The following CEP350 variants were observed in gnomAD, a reference collection of about 807,000 sequenced individuals.
CEP350 encodes the protein centrosome-associated protein 350.
CEP350 carries 126 observed loss-of-function variants against 331.8 expected under a neutral mutation model. That is an observed-to-expected ratio of 0.38 (90% CI 0.33 to 0.44). The LOEUF (loss-of-function observed/expected upper bound fraction) is 0.44, where lower values mean the gene tolerates loss of function less well. CEP350 is among the 20% of genes least tolerant of loss of function. The pLI, the probability that CEP350 is intolerant of heterozygous loss-of-function variation, is 1.00. For missense variants in CEP350, 3,406 were observed against 3,634.6 expected (o/e 0.94, Z 1.62); for synonymous variants, 1,200 against 1,259.5 (o/e 0.95, Z 1.00).
intron 11 of CEP350, among the ~76,000 whole-genome samples, chr1:180,018,463 C>G (rs1448407732): frequency 6.6e-6 from 1 of 152,148 alleles, no homozygotes; most frequent in African/African-American, 2.4e-5. Flanking sequence ...ATTATAACTT[C>G]CCTTGTATTC....
chr1:180,017,340 G>A (rs1655039602), intron 11 of CEP350, among the ~76,000 whole-genome samples: 1 of 152,046 alleles, frequency 6.6e-6, no homozygotes, highest in African/African-American at 2.4e-5. Flanking sequence ...TAACATTTTT[G>A]TTTTGAATTT....
intron 8 of CEP350, among the ~76,000 whole-genome samples, chr1:180,008,180 GT>G (rs1349844692): frequency 6.6e-6 from 1 of 152,114 alleles, no homozygotes; most frequent in Non-Finnish European, 1.5e-5. Flanking sequence ...GTTCCAACCA[GT>G]ATTAGTCAGG....
At chr1:179,968,358 A>G (rs182124417) in intron 1 of CEP350, among the ~76,000 whole-genome samples, 91 of 152,184 alleles carry the variant, frequency 6.0e-4, no homozygotes, top group Admixed American at 9.2e-4. Context: ...AAGAGGAATA[A>G]AATATCTCTG....
chr1:180,006,353 AC>A, intron 7 of CEP350, 100 bp from the exon 8 acceptor site: 1 of 662,344 alleles, frequency 1.5e-6, no homozygotes, highest in East Asian at 2.8e-5. Flanking sequence ...CTTTCTCCCT[AC>A]CTGCAGCATA....
intron 1 of CEP350, among the ~76,000 whole-genome samples, chr1:179,975,779 C>T (rs1651817944): frequency 6.6e-6 from 1 of 152,030 alleles, no homozygotes; most frequent in Non-Finnish European, 1.5e-5. Flanking sequence ...TGGTGATAGA[C>T]ATCTAATAGA....
At chr1:180,046,366 A>T (rs1657120330) in intron 21 of CEP350, among the ~76,000 whole-genome samples, 1 of 152,122 alleles carries the variant, frequency 6.6e-6, no homozygotes, top group African/African-American at 2.4e-5. Flanking sequence ...GACTTCTTTC[A>T]CTTAGCATGA....
At chr1:179,986,556 G>C (rs1198428988) in intron 2 of CEP350, among the ~76,000 whole-genome samples, 1 of 152,072 alleles carries the variant, frequency 6.6e-6, no homozygotes, top group African/African-American at 2.4e-5. Context: ...ACTTATAGGG[G>C]TACAGATAAT....
chr1:180,065,258 C>A lies in CEP350; in HGVS notation c.5553C>A (p.Ser1851Arg), dbSNP rs760564007. The part of the protein sequence containing the change: ...SIMQKLKKMR[S>R]RMDEKFLTKR... ...TGCAGAAACTGAAGAAAATGAGAAG[C>A]CGCATGGATGAAAAGTATTTGTTTT... is the stretch of plus-strand genomic sequence containing the variant. Residue 1851 changes from serine (S) to arginine (R), a missense_variant, in exon 27 of 38, where the codon AGC becomes AGA. This residue lies in a region of CEP350 where 1,415 missense variants were observed against 1,512.3 expected (regional missense o/e 0.94). Coordinates refer to ENST00000367607, the MANE Select transcript of CEP350 (RefSeq NM_014810.5). 1.2e-6 allele frequency: 2 copies of A among 1,608,032 alleles called. No individual in the cohort carries two copies. Among genetic ancestry groups the A allele is most frequent in the East Asian group, 4.5e-5 (2 of 44,770 alleles).
At chr1:180,068,884 A>G (rs1175546933) in intron 27 of CEP350, among the ~76,000 whole-genome samples, 1 of 152,212 alleles carries the variant, frequency 6.6e-6, no homozygotes, top group Non-Finnish European at 1.5e-5. Flanking sequence ...ATCTAGATCA[A>G]TTGTTAAGGA....
At chr1:179,957,636 C>G (rs1325875893) in intron 1 of CEP350, among the ~76,000 whole-genome samples, 1 of 152,020 alleles carries the variant, frequency 6.6e-6, no homozygotes, top group African/African-American at 2.4e-5. Flanking sequence ...CAAAACAAAA[C>G]AAAAGACTAG....
Position 180,022,648 on chromosome 1 carries a change from A to G in CEP350, c.3236-50A>G, listed in dbSNP as rs201799769. 1.2e-5 allele frequency: 18 copies of G among 1,542,160 alleles called. No homozygotes were observed. In the African/African-American group the frequency reaches 2.3e-4, roughly 20 times the overall value. ...TCCATGTATGGGATGCTTTTCTTAC[A>G]GTTTCTTGATTTTCGTTTTTAACCA... is the stretch of plus-strand genomic sequence containing the variant. On this transcript the variant is annotated intron_variant, in intron 12 of 37. Coordinates refer to ENST00000367607, the MANE Select transcript of CEP350 (RefSeq NM_014810.5).
chr1:180,048,813 A>C, intron 22 of CEP350, 108 bp downstream of exon 22: 1 of 845,438 alleles, frequency 1.2e-6, no homozygotes, highest in Non-Finnish European at 1.8e-6. Flanking sequence ...TCATGCCAGT[A>C]ATTCCAGCAC....
chr1:180,074,788 T>C (rs112912629), intron 27 of CEP350, among the ~76,000 whole-genome samples: 320 of 152,358 alleles, frequency 2.1e-3, no homozygotes, highest in African/African-American at 7.2e-3. Flanking sequence ...TATACTGTTA[T>C]CTTTCCTTTG....
chr1:180,087,360 T>C (rs1192225887), intron 31 of CEP350: 1 of 326,560 alleles, frequency 3.1e-6, no homozygotes, highest in Non-Finnish European at 5.5e-6. Context: ...ATACTGGAAT[T>C]ACAATTATAT....
intron 16 of CEP350, among the ~76,000 whole-genome samples, chr1:180,034,473 C>CT (rs11451813): frequency 0.84 from 122,274 of 145,324 alleles, 51,483 homozygotes; most frequent in South Asian, 0.93. Context: ...GTTTTTTTGT[C>CT]TTTTTTTTTT....
intron 28 of CEP350, among the ~76,000 whole-genome samples, chr1:180,075,503 AG>A (rs1312807814): frequency 6.6e-6 from 1 of 152,050 alleles, no homozygotes; most frequent in African/African-American, 2.4e-5. Flanking sequence ...CTTGAGATCA[AG>A]GTTACAGAGA....
intron 1 of CEP350, among the ~76,000 whole-genome samples, chr1:179,961,720 A>C (rs1471186713): frequency 2.0e-5 from 3 of 152,028 alleles, no homozygotes; most frequent in African/African-American, 7.2e-5. Flanking sequence ...GTTGTGGGGG[A>C]TACACGTGCA....
chr1:180,091,456 T>C (rs1660192613), intron 33 of CEP350, among the ~76,000 whole-genome samples: 1 of 152,168 alleles, frequency 6.6e-6, no homozygotes, highest in Non-Finnish European at 1.5e-5. Flanking sequence ...AATCTGGTTA[T>C]ATATATTTTC....
intron 22 of CEP350, among the ~76,000 whole-genome samples, chr1:180,052,570 T>G (rs1657579281): frequency 6.6e-6 from 1 of 151,916 alleles, no homozygotes; most frequent in South Asian, 2.1e-4. Flanking sequence ...ATTAATGAGT[T>G]TTTTAAAAAG....
Sources: gnomAD v4.1 joint callset for allele counts (sites outside exome capture counted in the v4.1 genomes callset) on GRCh38, gnomAD v4.1.1 for gene constraint, gnomAD v4.1.1 regional missense constraint, MANE v1.5 for transcripts, NCBI Gene and HGNC (gene_info 2026-07-23, HGNC 2026-07-21) for gene names.